The following PSMA2 variants were observed in gnomAD, a reference collection of about 807,000 sequenced individuals.
PSMA2 encodes the protein proteasome 20S subunit alpha 2, also known as proteasome subunit alpha type-2.
In PSMA2, 2 loss-of-function variants were observed where a neutral mutation model predicts 35.9. The observed-to-expected ratio is 0.06, with a 90% CI of 0.02 to 0.18. PSMA2 has a LOEUF of 0.18. PSMA2 is among the 10% of genes least tolerant of loss of function. The pLI is 1.00. For synonymous variants in PSMA2, 97 were observed against 98.2 expected (o/e 0.99, Z 0.07); for missense variants, 126 against 278.8 (o/e 0.45, Z 3.90).
chr7:42,919,259 C>T, intron 6 of PSMA2: 2 of 615,060 alleles, frequency 3.3e-6, no homozygotes, highest in South Asian at 1.4e-5. Context: ...AATAAGGATG[C>T]CACCAAAGCA....
rs1301136392 is a variant in PSMA2, at chr7:42,923,542, A to C, written c.375-136T>G. On this transcript the variant is annotated intron_variant, in intron 4 of 7. Transcript: ENST00000223321. ...CTTTTAAGTTCCTTAGAAAGTATTT[A>C]ACACCTTTCTGAATGAATCAATTCA... is the stretch of plus-strand genomic sequence containing the variant. The C allele has an allele frequency of 3.0e-5, 20 of 657,314 alleles. No homozygotes were observed. In the East Asian group the frequency reaches 5.3e-4, roughly 17 times the overall value. The allele number at this position is 657,314 out of a possible 1,614,324, so 40.7% of individuals were successfully genotyped here. A position where few individuals can be genotyped will look rare whatever the true frequency, so the allele number is the denominator to read the frequency against.
intron 3 of PSMA2, among the ~76,000 whole-genome samples, chr7:42,926,284 G>A (rs1786216040): frequency 1.3e-5 from 2 of 152,322 alleles, no homozygotes; most frequent in African/African-American, 4.8e-5. Context: ...AGAAGAGAAA[G>A]TCCGCTGAAC....
At chr7:42,926,746 T>A in intron 2 of PSMA2, 78 bp from the exon 3 acceptor site, 1 of 1,407,698 alleles carries the variant, frequency 7.1e-7, no homozygotes, top group Non-Finnish European at 9.4e-7. Context: ...ATGGATGCGC[T>A]AAACGCAAAC....
At position 42,919,907 on chromosome 7, in the gene PSMA2, A is replaced by C. The variant is rs1426908594; in HGVS notation, c.530+1951T>G. 3 of 755,486 alleles carry C rather than the reference A, an allele frequency of 4.0e-6. No individual in the cohort carries two copies. In the African/African-American group the frequency reaches 5.1e-5, roughly 13 times the overall value. The allele number at this position is 755,486 out of a possible 1,614,324, so 46.8% of individuals were successfully genotyped here. On this transcript the variant is annotated intron_variant, in intron 6 of 7. Coordinates refer to ENST00000223321, the MANE Select transcript of PSMA2 (RefSeq NM_002787.5). ...ATGCCAGTGGTTCTGAAGATGGAAC[A>C]CTGAGACTGGCAAACTGTGGTAGGA...
At chr7:42,923,478 C>T in intron 4 of PSMA2, 72 bp from the exon 5 acceptor site, 2 of 1,214,206 alleles carry the variant, frequency 1.6e-6, no homozygotes, top group Non-Finnish European at 2.4e-6. Context: ...TTTATCAGTA[C>T]TCTCAAATAA....
At chr7:42,931,767 GA>G (rs59443882) in intron 1 of PSMA2, among the ~76,000 whole-genome samples, 2 of 152,008 alleles carry the variant, frequency 1.3e-5, no homozygotes, top group Non-Finnish European at 2.9e-5. Context: ...CTTGAGCCAG[GA>G]AAAAAATCCT....
chr7:42,932,040 G>A, intron 1 of PSMA2, 78 bp downstream of exon 1: 1 of 1,577,792 alleles, frequency 6.3e-7, no homozygotes, highest in Non-Finnish European at 8.7e-7. Flanking sequence ...CAATGCCGAC[G>A]TCAGGATGGG....
chr7:42,926,008 G>A (rs1246529054), intron 3 of PSMA2, among the ~76,000 whole-genome samples: 1 of 152,162 alleles, frequency 6.6e-6, no homozygotes, highest in Non-Finnish European at 1.5e-5. Context: ...CTCTCTTCCT[G>A]TGAAATATAA....
chr7:42,924,134 A>C (rs1224305605), intron 4 of PSMA2, among the ~76,000 whole-genome samples: 2 of 151,836 alleles, frequency 1.3e-5, no homozygotes, highest in Non-Finnish European at 2.9e-5. Flanking sequence ...ACTTGAGGTC[A>C]GGAGTTTGAA....
chr7:42,924,902 T>A, intron 3 of PSMA2, 105 bp from the exon 4 acceptor site: 1 of 1,104,508 alleles, frequency 9.1e-7, no homozygotes, highest in South Asian at 1.6e-5. Context: ...TTAACATGTA[T>A]CTCTTTAATG....
At chr7:42,919,268 C>A in intron 6 of PSMA2, 1 of 613,504 alleles carries the variant, frequency 1.6e-6, no homozygotes, top group Non-Finnish European at 3.2e-6. Flanking sequence ...GCCACCAAAG[C>A]AGCCACAGCA....
At chr7:42,924,572 G>A in intron 4 of PSMA2, 103 bp downstream of exon 4, 3 of 1,159,648 alleles carry the variant, frequency 2.6e-6, no homozygotes, top group Non-Finnish European at 3.6e-6. Context: ...CACTTGTTAA[G>A]CAAATACAGA....
intron 6 of PSMA2, chr7:42,920,676 T>C (rs1375604707): frequency 1.3e-5 from 2 of 152,066 alleles, no homozygotes; most frequent in African/African-American, 4.8e-5. Context: ...AAAAGAAAAA[T>C]GAAAAAGTGC....
intron 5 of PSMA2, 62 bp from the exon 6 acceptor site, chr7:42,921,993 T>C: frequency 2.4e-6 from 3 of 1,259,114 alleles, no homozygotes; most frequent in Non-Finnish European, 3.4e-6. Context: ...TATATTGCCC[T>C]GCCATTTAAT....
chr7:42,924,527 A>G (rs1786178440), intron 4 of PSMA2, 148 bp downstream of exon 4: 5 of 828,872 alleles, frequency 6.0e-6, no homozygotes, highest in African/African-American at 1.7e-5. Context: ...CCAGAGCCAG[A>G]TAAGATCAGA....
intron 6 of PSMA2, 78 bp from the exon 7 acceptor site, chr7:42,917,913 G>GT (rs1304220679): frequency 3.4e-5 from 36 of 1,061,344 alleles, no homozygotes; most frequent in Middle Eastern, 3.1e-4. Flanking sequence ...CAGCAACAAC[G>GT]TAAGTTTTTA....
At chr7:42,930,988 C>A in intron 1 of PSMA2, 1 of 295,476 alleles carries the variant, frequency 3.4e-6, no homozygotes, top group Non-Finnish European at 6.8e-6. Context: ...TTACTGAAAA[C>A]TGCCAAGAGA....
chr7:42,931,106 AG>A, intron 1 of PSMA2: 1 of 444,198 alleles, frequency 2.3e-6, no homozygotes, highest in East Asian at 7.4e-5. Context: ...CGATGACCTT[AG>A]ACAAGTTGTT....
At chr7:42,919,786 AT>A in intron 6 of PSMA2, 1 of 665,932 alleles carries the variant, frequency 1.5e-6, no homozygotes, top group South Asian at 1.5e-5. Context: ...TGTTAAACTT[AT>A]AAGTATGATG....
Sources: allele counts gnomAD v4.1 joint callset (sites outside exome capture counted in the v4.1 genomes callset), GRCh38; gene constraint gnomAD v4.1.1; transcripts MANE v1.5; gene names NCBI Gene and HGNC (gene_info 2026-07-23, HGNC 2026-07-21).